ALS2: variants seen among roughly 807,000 people sequenced by gnomAD.
ALS2 encodes alsin.
ALS2 carries 117 observed loss-of-function variants against 203.4 expected under a neutral mutation model. That is an observed-to-expected ratio of 0.58 (90% CI 0.50 to 0.67). The LOEUF is 0.67. ALS2 is among the 30% of genes least tolerant of loss of function. The pLI is 0.00. For missense variants in ALS2, 1,715 were observed against 1,989.4 expected (o/e 0.86, Z 2.62); for synonymous variants, 718 against 725.9 (o/e 0.99, Z 0.17).
chr2:201,709,990 C>T lies in ALS2; in HGVS notation c.4171G>A (p.Val1391Ile), dbSNP rs1420843762. The change falls in exon 27 of 34, where the codon GTT becomes ATT. Residue 1391 changes from valine (V) to isoleucine (I), a missense_variant. Val to Ile is a conservative substitution (Grantham distance 29). Transcript: ENST00000264276. ...HPLGRLVETL[V>I]AVYRMTYVGV... Reference sequence around the variant, plus strand: ...ACGTATGTCATTCTATACACTGCAACCAGTGTCTCCACAAGCCTGCCCAGG... The same window carrying T: ...ACGTATGTCATTCTATACACTGCAATCAGTGTCTCCACAAGCCTGCCCAGG... 2 of 1,613,958 alleles carry T rather than the reference C, an allele frequency of 1.2e-6. No individual in the cohort carries two copies. The highest frequency in any genetic ancestry group is 1.7e-5 in the Admixed American group (1 of 60,020).
intron 1 of ALS2, among the ~76,000 whole-genome samples, chr2:201,770,202 TCAA>T (rs1694314335): frequency 6.6e-6 from 1 of 152,200 alleles, no homozygotes; most frequent in South Asian, 2.1e-4. Flanking sequence ...TGATTAAATT[TCAA>T]CAATAGGTAG....
At chr2:201,750,776 T>C (rs903621926) in intron 7 of ALS2, among the ~76,000 whole-genome samples, 2 of 152,184 alleles carry the variant, frequency 1.3e-5, no homozygotes, top group South Asian at 2.1e-4. Context: ...TGTAACATCA[T>C]TGTTAATAAC....
Position 201,711,012 on chromosome 2 carries a change from GTCA to G in ALS2, c.4098_4100del (p.Asp1367del), listed in dbSNP as rs1470221590. On this transcript the variant is annotated inframe_deletion, in exon 26 of 34. Transcript: ENST00000264276. ...TTACCTTTATTAAATATTTCCTGAT[GTCA>G]TCATATTTCTCCACAGAGAAGGCAC... is the stretch of plus-strand genomic sequence containing the variant. The G allele has an allele frequency of 6.2e-7, 1 of 1,603,764 alleles. No individual in the cohort carries two copies. The highest frequency in any genetic ancestry group is 2.2e-5 in the East Asian group (1 of 44,778).
chr2:201,740,172 A>T (rs1055737590), intron 11 of ALS2, among the ~76,000 whole-genome samples: 4 of 151,968 alleles, frequency 2.6e-5, no homozygotes, highest in Non-Finnish European at 4.4e-5. Flanking sequence ...CAAAAAATTA[A>T]AAAAATTAGC....
At chr2:201,748,100 T>A (rs965341838) in intron 8 of ALS2, among the ~76,000 whole-genome samples, 3 of 152,132 alleles carry the variant, frequency 2.0e-5, no homozygotes, top group African/African-American at 7.2e-5. Context: ...TCCTTTGTGT[T>A]TAGATAGTTT....
intron 12 of ALS2, among the ~76,000 whole-genome samples, chr2:201,734,163 T>C (rs550836653): frequency 1.6e-4 from 25 of 152,238 alleles, no homozygotes; most frequent in African/African-American, 6.0e-4. Context: ...CAAACCAAAA[T>C]ACTTAATGGT....
chr2:201,704,969 A>G (rs377461652), intron 31 of ALS2, among the ~76,000 whole-genome samples, 170 bp downstream of exon 31: 2 of 152,228 alleles, frequency 1.3e-5, no homozygotes, highest in East Asian at 3.8e-4. Context: ...AGAGTAAAAG[A>G]TAACCCAAGG....
chr2:201,768,888 G>T lies in ALS2; in HGVS notation c.-3C>A. ...TACCTTCTCTTCTTTGAGTCCATCG[G>T]TCAGTGGGAACACTCCATCACCAAA... On this transcript the variant is annotated 5_prime_UTR_variant, in exon 2 of 34. Transcript: ENST00000264276. 6.2e-7 allele frequency: 1 copy of T among 1,613,292 alleles called. No individual in the cohort carries two copies. Among genetic ancestry groups the T allele is most frequent in the Non-Finnish European group, 8.5e-7 (1 of 1,179,554 alleles).
At chr2:201,722,486 C>G (rs566686991) in intron 23 of ALS2, 2 of 152,650 alleles carry the variant, frequency 1.3e-5, no homozygotes, top group African/African-American at 4.8e-5. Context: ...CAGGCATCTA[C>G]TTGAGAAATG....
chr2:201,711,094 C>T lies in ALS2; in HGVS notation c.4019G>A (p.Ser1340Asn), dbSNP rs1689999193. Residue 1340 changes from serine to asparagine, a missense_variant, in exon 26 of 34, where the codon AGT (serine) becomes AAT (asparagine). Around this residue, in one of 3 missense-constraint regions of ALS2, gnomAD observed 1,227 missense variants for 1,413.5 expected, o/e 0.87. Coordinates refer to ENST00000264276, the MANE Select transcript of ALS2 (RefSeq NM_020919.4). ...CTCTAGTGTCTGAGTCTGTGAACGA[C>T]TCAGTATTTCTGGACTATAAAAAGG... The part of the protein sequence containing the change: ...RQHRDSPEIL[S>N]RSQTQTLESL... The T allele has an allele frequency of 6.3e-7, 1 of 1,599,124 alleles. No individual in the cohort carries two copies. Among genetic ancestry groups the T allele is most frequent in the Admixed American group, 1.7e-5 (1 of 59,960 alleles).
chr2:201,776,219 CTTTCTCCT>C (rs1694653642), intron 1 of ALS2, among the ~76,000 whole-genome samples: 1 of 152,124 alleles, frequency 6.6e-6, no homozygotes, highest in South Asian at 2.1e-4. Flanking sequence ...TCCTTTCTCC[CTTTCTCCT>C]TAGTACACAG....
At position 201,729,850 on chromosome 2, in the gene ALS2, A is replaced by AGT. The variant is rs370330269; in HGVS notation, c.2581-669_2581-668dup. On this transcript the variant is annotated intron_variant, in intron 13 of 33. Transcript: ENST00000264276. ...GAGCCGAGATGCGCCACTGCACTCC[A>AGT]GTCTGGGCAACAGAGCGAGACTCCG... Among the ~76,000 whole-genome samples, 311 of 131,960 alleles carry AGT rather than the reference A, an allele frequency of 2.4e-3. 1 individual carries two copies. Among genetic ancestry groups the AGT allele is most frequent in the African/African-American group, 8.2e-3 (297 of 36,102 alleles). 86.6% of individuals were successfully genotyped at this position (131,960 alleles called of 152,430 possible).
intron 7 of ALS2, among the ~76,000 whole-genome samples, chr2:201,750,387 T>C (rs1307433486): frequency 2.6e-5 from 4 of 152,204 alleles, no homozygotes; most frequent in South Asian, 2.1e-4. Context: ...CAAATTCATA[T>C]GTAAGAGGCA....
rs113661741 is a variant in ALS2, at chr2:201,743,054, G to A, written c.2171-1200C>T. Among the ~76,000 whole-genome samples, 232 of 138,410 alleles carry A rather than the reference G, an allele frequency of 1.7e-3. 1 individual carries two copies. Among genetic ancestry groups the A allele is most frequent in the Non-Finnish European group, 2.7e-3 (175 of 64,692 alleles). The allele number at this position is 138,410 out of a possible 152,430, so 90.8% of individuals were successfully genotyped here. A position where few individuals can be genotyped will look rare whatever the true frequency, so the allele number is the denominator to read the frequency against. On this transcript the variant is annotated intron_variant, in intron 10 of 33. Transcript: ENST00000264276. Reference sequence around the variant, plus strand: ...CCACTACACTCCAGCCTGGGTGACAGAGCAAGACTCTGTCTCAAAAAAAAA... The same window carrying A: ...CCACTACACTCCAGCCTGGGTGACAAAGCAAGACTCTGTCTCAAAAAAAAA...
chr2:201,774,663 C>A (rs1482332719), intron 1 of ALS2, among the ~76,000 whole-genome samples: 2 of 152,150 alleles, frequency 1.3e-5, no homozygotes, highest in African/African-American at 2.4e-5. Context: ...GTCTTTTTGG[C>A]TTAATTCGGT....
At chr2:201,772,872 T>TTC (rs577051693) in intron 1 of ALS2, among the ~76,000 whole-genome samples, 4,009 of 105,976 alleles carry the variant, frequency 0.038, 54 homozygotes, top group African/African-American at 0.053. Context: ...TTTTTTTTTT[T>TTC]CATTTTTGAG....
chr2:201,717,946 A>T, intron 24 of ALS2, 131 bp downstream of exon 24: 1 of 961,162 alleles, frequency 1.0e-6, no homozygotes. Context: ...CTCAAAAAAT[A>T]AAAATAAAAT....
At chr2:201,712,803 AAGAG>A (rs1320783592) in intron 25 of ALS2, among the ~76,000 whole-genome samples, 1 of 152,086 alleles carries the variant, frequency 6.6e-6, no homozygotes, top group African/African-American at 2.4e-5. Flanking sequence ...AAAGGAGAAA[AAGAG>A]AGAAATGAAC....
intron 33 of ALS2, among the ~76,000 whole-genome samples, chr2:201,702,943 C>T (rs1689479314): frequency 6.6e-6 from 1 of 152,106 alleles, no homozygotes. Flanking sequence ...TGGTGAAACC[C>T]CATCTCTAAT....
Sources: allele counts gnomAD v4.1 joint callset (sites outside exome capture counted in the v4.1 genomes callset), GRCh38; gene constraint gnomAD v4.1.1; regional missense constraint gnomAD v4.1.1; transcripts MANE v1.5; gene names NCBI Gene and HGNC (gene_info 2026-07-23, HGNC 2026-07-21).